Variants in MAP3K7 observed in about 807,000 individuals in gnomAD.
MAP3K7 encodes mitogen-activated protein kinase kinase kinase 7.
A neutral mutation model predicts 84.8 loss-of-function variants in MAP3K7; 21 were observed. The ratio of observed to expected loss-of-function variants is 0.25; its 90% confidence interval spans 0.18 to 0.36. The LOEUF (loss-of-function observed/expected upper bound fraction) is 0.36. Among genes scored for constraint, MAP3K7 ranks in the 10% least tolerant of loss-of-function variants. MAP3K7 has a pLI of 1.00. For missense variants in MAP3K7, 503 were observed against 747.7 expected (o/e 0.67, Z 3.82); for synonymous variants, 241 against 247.7 (o/e 0.97, Z 0.25).
intron 1 of MAP3K7, among the ~76,000 whole-genome samples, chr6:90,577,902 A>G (rs1056579905): frequency 6.6e-6 from 1 of 152,238 alleles, no homozygotes; most frequent in Admixed American, 6.5e-5. Flanking sequence ...ATAAGGCAAG[A>G]TATTTCAGTG....
intron 13 of MAP3K7, among the ~76,000 whole-genome samples, chr6:90,531,590 C>T (rs1427016442): frequency 6.6e-6 from 1 of 152,122 alleles, no homozygotes; most frequent in African/African-American, 2.4e-5. Flanking sequence ...GGCTTCACTA[C>T]AGTTTTTCAT....
intron 14 of MAP3K7, among the ~76,000 whole-genome samples, chr6:90,521,782 T>C (rs769066447): frequency 5.9e-5 from 9 of 152,098 alleles, no homozygotes; most frequent in Non-Finnish European, 1.2e-4. Flanking sequence ...TCAGTATGTG[T>C]GTCTTTTTGA....
At chr6:90,569,036 T>C (rs1173246849) in intron 2 of MAP3K7, among the ~76,000 whole-genome samples, 2 of 152,218 alleles carry the variant, frequency 1.3e-5, no homozygotes, top group South Asian at 2.1e-4. Context: ...ATCATCTTCA[T>C]AGCTATAGTT....
intron 11 of MAP3K7, among the ~76,000 whole-genome samples, chr6:90,545,548 G>A (rs1775976942): frequency 6.6e-6 from 1 of 152,046 alleles, no homozygotes; most frequent in African/African-American, 2.4e-5. Context: ...AAAGCATGAG[G>A]GTATGTCCCG....
chr6:90,562,814 G>A (rs1189089485), intron 3 of MAP3K7, among the ~76,000 whole-genome samples: 1 of 152,204 alleles, frequency 6.6e-6, no homozygotes, highest in Non-Finnish European at 1.5e-5. Flanking sequence ...CTAACTGGGA[G>A]ACACCTTCCA....
intron 1 of MAP3K7, among the ~76,000 whole-genome samples, chr6:90,572,968 G>C (rs1429904278): frequency 1.3e-5 from 2 of 152,074 alleles, no homozygotes; most frequent in African/African-American, 2.4e-5. Context: ...TTTGTATCAA[G>C]GCCTTTTTCT....
intron 13 of MAP3K7, among the ~76,000 whole-genome samples, chr6:90,525,343 T>C (rs1775287298): frequency 6.6e-6 from 1 of 152,136 alleles, no homozygotes; most frequent in Non-Finnish European, 1.5e-5. Flanking sequence ...CAATTCAAAA[T>C]TTATTTTTTA....
At chr6:90,537,064 A>G (rs1053712057) in intron 12 of MAP3K7, 4 of 152,060 alleles carry the variant, frequency 2.6e-5, no homozygotes, top group Non-Finnish European at 5.9e-5. Context: ...CTATGTTTAT[A>G]ATTAATTTAA....
intron 12 of MAP3K7, chr6:90,537,052 T>G (rs767743892): frequency 2.0e-5 from 3 of 152,052 alleles, no homozygotes; most frequent in Non-Finnish European, 4.4e-5. Context: ...CTTTAGAAAC[T>G]TCTATGTTTA....
chr6:90,530,657 T>A (rs1264960405), intron 13 of MAP3K7, among the ~76,000 whole-genome samples: 5 of 152,126 alleles, frequency 3.3e-5, no homozygotes, highest in African/African-American at 9.7e-5. Context: ...GAAATGTGTA[T>A]CTCAATAAAT....
At chr6:90,546,543 T>A (rs1444022869) in intron 11 of MAP3K7, among the ~76,000 whole-genome samples, 1 of 152,090 alleles carries the variant, frequency 6.6e-6, no homozygotes, top group African/African-American at 2.4e-5. Context: ...CTGGAAAGAA[T>A]CAGCAAAAAA....
At chr6:90,553,357 A>C in intron 7 of MAP3K7, 101 bp downstream of exon 7, 4 of 1,148,142 alleles carry the variant, frequency 3.5e-6, no homozygotes, top group Non-Finnish European at 5.0e-6. Context: ...TGTACATTTT[A>C]ATGTTAGAGA....
In MAP3K7 at chr6:90,536,375, T is replaced by C. The variant is rs568609705; in HGVS notation, c.1318A>G (p.Ile440Val). ...SGNGQPRRRS[I>V]QDLTVTGTEP... The stretch of plus-strand genomic sequence containing the variant: ...GTTCCAGTTACAGTCAAGTCTTGGA[T>C]GGATCTACGTCTTGGCTGTCCGTTG... The change falls in exon 13 of 17, where the codon ATC (isoleucine) becomes GTC (valine). Residue 440 changes from isoleucine to valine, a missense_variant. Around this residue, in one of 5 missense-constraint regions of MAP3K7, gnomAD observed 286 missense variants for 313.6 expected, o/e 0.91. Transcript: ENST00000369329. 1.5e-5 allele frequency: 24 copies of C among 1,612,402 alleles called. No homozygotes were observed. In the South Asian group the frequency reaches 2.3e-4, roughly 15 times the overall value.
Position 90,547,294 on chromosome 6 carries a change from T to C in MAP3K7, c.1174A>G (p.Met392Val), listed in dbSNP as rs771091309. ...TSEGKRMSAD[M>V]SEIEARIAAT... The stretch of plus-strand genomic sequence containing the variant: ...GCGATCCTAGCTTCTATTTCAGACA[T>C]GTCAGCACTCATCCTCTTGCCCTCA... Residue 392 changes from methionine (M) to valine (V), a missense_variant, in exon 11 of 17, where the codon ATG becomes GTG. By Grantham distance (21) the Met-to-Val change is conservative. Transcript: ENST00000369329. The C allele has an allele frequency of 4.3e-6, 7 of 1,613,480 alleles. No individual in the cohort carries two copies. In the Admixed American group the frequency reaches 6.7e-5, roughly 15 times the overall value.
intron 1 of MAP3K7, among the ~76,000 whole-genome samples, chr6:90,576,706 G>A (rs1777095660): frequency 6.6e-6 from 1 of 152,140 alleles, no homozygotes; most frequent in African/African-American, 2.4e-5. Context: ...AATTGTGTGT[G>A]TATACACACA....
rs142511817 is a variant in MAP3K7 at position 90,519,336 on chromosome 6, T to C, written c.1463-17A>G. On this transcript the variant is annotated splice_polypyrimidine_tract_variant and intron_variant, in intron 14 of 16. Transcript: ENST00000369329. ...CATTGGTATCTGGAATTCAAGCATG[T>C]ATTTTATTGATTTTCTGTCACAAAT... 3 of 1,524,882 alleles carry C rather than the reference T, an allele frequency of 2.0e-6. No homozygotes were observed. Among genetic ancestry groups the C allele is most frequent in the Non-Finnish European group, 2.7e-6 (3 of 1,124,262 alleles). The allele number at this position is 1,524,882 out of a possible 1,614,324, so 94.5% of individuals were successfully genotyped here.
rs1353842686 is a variant in MAP3K7 at position 90,578,866 on chromosome 6, A to G, written c.121-7059T>C. Among the ~76,000 whole-genome samples the G allele has an allele frequency of 2.0e-5, 3 of 152,202 alleles. No individual in the cohort carries two copies. In the East Asian group the frequency reaches 5.8e-4, roughly 29 times the overall value. ...AAAGAAATGCAATTTTATTATCTGT[A>G]TAACGATAATGCAACCTTATATTTA... On this transcript the variant is annotated intron_variant, in intron 1 of 16. Transcript: ENST00000369329.
chr6:90,521,568 A>G (rs157700), intron 14 of MAP3K7, among the ~76,000 whole-genome samples: 54,313 of 151,936 alleles, frequency 0.36, 10,060 homozygotes, highest in African/African-American at 0.45. Context: ...TGTACTATAA[A>G]TTTAGTAAGT....
chr6:90,558,463 T>G, intron 5 of MAP3K7, among the ~76,000 whole-genome samples: 1 of 152,228 alleles, frequency 6.6e-6, no homozygotes, highest in East Asian at 1.9e-4. Flanking sequence ...GAATCAATTC[T>G]GATTCTAAAG....
Sources: allele counts gnomAD v4.1 joint callset (sites outside exome capture counted in the v4.1 genomes callset), GRCh38; gene constraint gnomAD v4.1.1; regional missense constraint gnomAD v4.1.1; transcripts MANE v1.5; gene names NCBI Gene and HGNC (gene_info 2026-07-23, HGNC 2026-07-21).